The following CNTN3 variants were observed in gnomAD, a reference collection of about 807,000 sequenced individuals.
CNTN3 encodes contactin 3.
In CNTN3, 60 loss-of-function variants were observed where a neutral mutation model predicts 119.1. The observed-to-expected ratio is 0.50, with a 90% CI of 0.41 to 0.62. The LOEUF is 0.62. Among genes scored for constraint, CNTN3 ranks in the 20% least tolerant of loss-of-function variants. The probability of loss-of-function intolerance (pLI) is 0.00; values close to 1 mark genes in which losing one functional copy is unlikely to be tolerated. For missense variants in CNTN3, 1,101 were observed against 1,242.4 expected (o/e 0.89, Z 1.71); for synonymous variants, 450 against 438.7 (o/e 1.03, Z -0.32).
At chr3:74,530,002 A>C (rs1450283867) in intron 1 of CNTN3, among the ~76,000 whole-genome samples, 1 of 152,008 alleles carries the variant, frequency 6.6e-6, no homozygotes, top group African/African-American at 2.4e-5. Context: ...TGTGCACACT[A>C]GCCCAGACCA....
At chr3:74,543,031 G>A (rs1703863588) in intron 1 of CNTN3, among the ~76,000 whole-genome samples, 1 of 152,080 alleles carries the variant, frequency 6.6e-6, no homozygotes, top group Admixed American at 6.5e-5. Context: ...GGGAGGCTGA[G>A]GTAGGAGAAT....
intron 13 of CNTN3, among the ~76,000 whole-genome samples, chr3:74,322,023 T>A (rs142838715): frequency 0.17 from 25,278 of 151,856 alleles, 3,121 homozygotes; most frequent in East Asian, 0.54. Flanking sequence ...CCGTCTCCAC[T>A]AAAAATACAA....
intron 4 of CNTN3, among the ~76,000 whole-genome samples, chr3:74,477,056 A>G (rs1167728504): frequency 6.6e-6 from 1 of 152,180 alleles, no homozygotes; most frequent in Non-Finnish European, 1.5e-5. Flanking sequence ...CAGAGTTTCC[A>G]TAAGACATGC....
intron 20 of CNTN3, among the ~76,000 whole-genome samples, chr3:74,271,230 C>A (rs1359434776): frequency 6.6e-6 from 1 of 152,112 alleles, no homozygotes; most frequent in African/African-American, 2.4e-5. Flanking sequence ...TGGCGTTCAT[C>A]ACAATGGAAT....
chr3:74,465,426 A>G (rs1702444456), intron 4 of CNTN3, among the ~76,000 whole-genome samples: 1 of 152,180 alleles, frequency 6.6e-6, no homozygotes, highest in African/African-American at 2.4e-5. Flanking sequence ...AAAAACCTAG[A>G]CCATAAAAGG....
At chr3:74,497,751 A>AT (rs1321532494) in intron 3 of CNTN3, among the ~76,000 whole-genome samples, 7 of 151,874 alleles carry the variant, frequency 4.6e-5, no homozygotes, top group Admixed American at 6.6e-5. Flanking sequence ...TCAGTAACAG[A>AT]TTTTGTTAAA....
At chr3:74,369,621 G>T (rs1311387327) in intron 7 of CNTN3, among the ~76,000 whole-genome samples, 1 of 150,164 alleles carries the variant, frequency 6.7e-6, no homozygotes, top group African/African-American at 2.5e-5. Context: ...CACCATATTA[G>T]ATTACAGCAA....
At chr3:74,275,928 T>G (rs746443053) in intron 20 of CNTN3, among the ~76,000 whole-genome samples, 15 of 151,984 alleles carry the variant, frequency 9.9e-5, no homozygotes, top group Non-Finnish European at 1.9e-4. Context: ...ACATGAAAAC[T>G]TAAAGTAAAG....
intron 2 of CNTN3, among the ~76,000 whole-genome samples, chr3:74,509,951 A>G (rs1463245276): frequency 6.6e-6 from 1 of 151,680 alleles, no homozygotes; most frequent in Non-Finnish European, 1.5e-5. Context: ...CGGGCTTTAT[A>G]CTTTCAGAAG....
rs142570723 is a variant in CNTN3 at position 74,535,010 on chromosome 3, A to G, written c.-80-13818T>C. ...TGTGATGGTTACTGCTATGATTTCA[A>G]AAAAATTAAATATAATTGACACCTT... On this transcript the variant is annotated intron_variant, in intron 1 of 22. Coordinates refer to ENST00000263665, the MANE Select transcript of CNTN3 (RefSeq NM_020872.3). Among the ~76,000 whole-genome samples, 758 of 152,136 alleles carry G rather than the reference A, an allele frequency of 5.0e-3. 7 individuals carry two copies. Among genetic ancestry groups the G allele is most frequent in the African/African-American group, 0.017 (718 of 41,530 alleles).
intron 1 of CNTN3, among the ~76,000 whole-genome samples, chr3:74,583,737 T>G (rs988416499): frequency 1.3e-5 from 2 of 152,222 alleles, no homozygotes; most frequent in African/African-American, 4.8e-5. Context: ...CATACTTTAA[T>G]TTTCAAAAAT....
chr3:74,361,868 A>T (rs1361931988), intron 11 of CNTN3, 22 bp downstream of exon 11: 2 of 1,581,854 alleles, frequency 1.3e-6, no homozygotes, highest in South Asian at 1.1e-5. Context: ...GTAAATGACC[A>T]CTTTTCTGGA....
intron 1 of CNTN3, among the ~76,000 whole-genome samples, chr3:74,591,355 C>A (rs1289701813): frequency 6.6e-6 from 1 of 151,894 alleles, no homozygotes; most frequent in Admixed American, 6.6e-5. Context: ...GCCTTGAATG[C>A]CAGGTTGGCA....
chr3:74,586,864 T>A (rs1348816163), intron 1 of CNTN3, among the ~76,000 whole-genome samples: 1 of 152,044 alleles, frequency 6.6e-6, no homozygotes, highest in Non-Finnish European at 1.5e-5. Context: ...ATATTAAATG[T>A]CTTTTCTCAA....
chr3:74,266,467 T>C lies in CNTN3; in HGVS notation c.2986+14A>G. ...TGATGTCAATAAAGTAAATAATGGC[T>C]TCAACCAACTTACTGGTTATTCGTG... is the stretch of plus-strand genomic sequence containing the variant. On this transcript the variant is annotated intron_variant, in intron 22 of 22. Transcript: ENST00000263665. 1 of 1,611,030 alleles carries C rather than the reference T, an allele frequency of 6.2e-7. No homozygotes were observed. The highest frequency in any genetic ancestry group is 8.5e-7 in the Non-Finnish European group (1 of 1,177,688).
intron 2 of CNTN3, among the ~76,000 whole-genome samples, chr3:74,501,808 C>A (rs151335118): frequency 6.6e-6 from 1 of 151,818 alleles, no homozygotes; most frequent in African/African-American, 2.4e-5. Context: ...AAAAAGCTTC[C>A]GTTTCCCTTT....
In CNTN3 at chr3:74,366,762, G is replaced by A. The variant is rs527647088; in HGVS notation, c.947-1060C>T. On this transcript the variant is annotated intron_variant, in intron 8 of 22. Coordinates refer to ENST00000263665, the MANE Select transcript of CNTN3 (RefSeq NM_020872.3). ...TTTTCTCTTTTATGTGTGTGTGCGT[G>A]TGTGTGTGTGTGTGTGTGTATATAT... is the stretch of plus-strand genomic sequence containing the variant. Among the ~76,000 whole-genome samples, 156 of 53,890 alleles carry A rather than the reference G, an allele frequency of 2.9e-3. 1 individual carries two copies. The highest frequency in any genetic ancestry group is 2.6e-3 in the Non-Finnish European group (78 of 29,966). 35.4% of individuals were successfully genotyped at this position (53,890 alleles called of 152,430 possible).
intron 2 of CNTN3, among the ~76,000 whole-genome samples, chr3:74,511,302 T>C (rs549498294): frequency 3.4e-4 from 52 of 152,226 alleles, no homozygotes; most frequent in African/African-American, 1.2e-3. Flanking sequence ...AAGACATCCA[T>C]GGATGTCAGC....
chr3:74,315,320 G>A (rs1167891093), intron 13 of CNTN3, among the ~76,000 whole-genome samples: 2 of 152,116 alleles, frequency 1.3e-5, no homozygotes, highest in Non-Finnish European at 2.9e-5. Flanking sequence ...AGATCTCGAG[G>A]CTGCTCTGCC....
Sources: gnomAD v4.1 joint callset for allele counts (sites outside exome capture counted in the v4.1 genomes callset) on GRCh38, gnomAD v4.1.1 for gene constraint, MANE v1.5 for transcripts, NCBI Gene and HGNC (gene_info 2026-07-23, HGNC 2026-07-21) for gene names.